Variants in SEMA4A observed in about 807,000 individuals in gnomAD.
SEMA4A encodes the protein semaphorin-4A.
A neutral mutation model predicts 72.5 loss-of-function variants in SEMA4A; 52 were observed. The observed-to-expected ratio is 0.72, with a 90% confidence interval of 0.57 to 0.90. SEMA4A has a LOEUF of 0.90. Among genes scored for constraint, SEMA4A ranks in the 40% least tolerant of loss-of-function variants. The probability of loss-of-function intolerance (pLI) is 0.00; values close to 1 mark genes in which losing one functional copy is unlikely to be tolerated. For missense variants in SEMA4A, 926 were observed against 959.7 expected (o/e 0.96, Z 0.46); for synonymous variants, 369 against 393.1 (o/e 0.94, Z 0.73).
intron 9 of SEMA4A, 123 bp from the exon 10 acceptor site, chr1:156,162,821 C>G: frequency 8.4e-7 from 1 of 1,196,482 alleles, no homozygotes; most frequent in Non-Finnish European, 1.2e-6. Context: ...GGAGTGGTAG[C>G]TGGAGGCTGG....
upstream of SEMA4A, chr1:156,150,375 T>G (rs1452098778): frequency 6.6e-6 from 1 of 152,214 alleles, no homozygotes; most frequent in East Asian, 1.9e-4. Context: ...ACGTCCCTAG[T>G]GCCTATACAC....
At chr1:156,148,555 C>A (rs779341716), upstream of SEMA4A, among the ~76,000 whole-genome samples, 1 of 152,226 alleles carries the variant, frequency 6.6e-6, no homozygotes, top group Admixed American at 6.5e-5. Context: ...GACACCAGCA[C>A]ACTCATTTCC....
In SEMA4A at chr1:156,157,499, G is replaced by GT. The variant is rs1653148965; in HGVS notation, c.301-571_301-570insT. On this transcript the variant is annotated intron_variant, in intron 3 of 14. Coordinates refer to ENST00000368285, the MANE Select transcript of SEMA4A (RefSeq NM_022367.4). The surrounding 1 kb of genome is among the most constrained non-coding windows in gnomAD (Gnocchi z 4.5). ...GTGCCTGGCTGCTTCTGTCTTAGTC[G>GT]CCCTATTAATGGGAACAATGTGAGG... 6.6e-6 allele frequency among the ~76,000 whole-genome samples: 1 copy of GT among 152,062 alleles called. No individual in the cohort carries two copies. The highest frequency in any genetic ancestry group is 1.5e-5 in the Non-Finnish European group (1 of 68,002).
rs368904425 is a variant in SEMA4A at position 156,172,978 on chromosome 1, C to G, written c.1287C>G (p.His429Gln). 1.7e-5 allele frequency: 28 copies of G among 1,613,952 alleles called. No individual in the cohort carries two copies. The highest frequency in any genetic ancestry group is 2.2e-5 in the Non-Finnish European group (26 of 1,179,946). Residue 429 changes from histidine to glutamine, a missense_variant, in exon 11 of 15, where the codon CAC becomes CAG. Coordinates refer to ENST00000368285, the MANE Select transcript of SEMA4A (RefSeq NM_022367.4). ...AGACAGCCCAGGGCCTTGATGGGCA[C>G]AGCCATCTTGTCATGTACCTGGGAA... Reference protein sequence around the residue: ...AVETAQGLDGHSHLVMYLGTT... With the variant: ...AVETAQGLDGQSHLVMYLGTT...
rs536437278 is a variant in SEMA4A, at chr1:156,155,937, T to C, written c.140-477T>C. ...TCCTCTCTGTTCGTGGTGACTCTAC[T>C]GGTGGGAATTTCCTTTAACAGAAGA... On this transcript the variant is annotated intron_variant, in intron 2 of 14. Coordinates refer to ENST00000368285, the MANE Select transcript of SEMA4A (RefSeq NM_022367.4). The C allele has an allele frequency of 6.2e-4, 155 of 250,558 alleles. 1 individual carries two copies. The highest frequency in any genetic ancestry group is 9.4e-4 in the Non-Finnish European group (118 of 125,378). The allele number at this position is 250,558 out of a possible 1,614,324, so 15.5% of individuals were successfully genotyped here.
At chr1:156,162,380 A>G (rs1490547990) in intron 9 of SEMA4A, among the ~76,000 whole-genome samples, 1 of 152,264 alleles carries the variant, frequency 6.6e-6, no homozygotes, top group Admixed American at 6.5e-5. Flanking sequence ...ACAATGTGTC[A>G]GGTACCAAAG....
chr1:156,168,928 T>A (rs1654440480), intron 10 of SEMA4A, among the ~76,000 whole-genome samples: 2 of 151,854 alleles, frequency 1.3e-5, no homozygotes, highest in Non-Finnish European at 2.9e-5. Context: ...TGGGAAAGAG[T>A]CTCATCATGT....
Position 156,177,059 on chromosome 1 carries a change from G to A in SEMA4A, c.*62G>A. The A allele has an allele frequency of 3.5e-6, 5 of 1,432,198 alleles. No individual in the cohort carries two copies. The highest frequency in any genetic ancestry group is 3.9e-6 in the Non-Finnish European group (4 of 1,030,944). The allele number at this position is 1,432,198 out of a possible 1,614,324, so 88.7% of individuals were successfully genotyped here. A position where few individuals can be genotyped will look rare whatever the true frequency, so the allele number is the denominator to read the frequency against. ...TGGCCATGCTGGCTGGGCGGCCCAA[G>A]CACAGCCCTGACTAGGATGACAGCA... On this transcript the variant is annotated 3_prime_UTR_variant, in exon 15 of 15. Coordinates refer to ENST00000368285, the MANE Select transcript of SEMA4A (RefSeq NM_022367.4).
Position 156,157,972 on chromosome 1 carries a change from T to C in SEMA4A, c.301-98T>C. 1.6e-6 allele frequency: 2 copies of C among 1,214,668 alleles called. No individual in the cohort carries two copies. Among genetic ancestry groups the C allele is most frequent in the South Asian group, 2.5e-5 (2 of 78,800 alleles). The allele number at this position is 1,214,668 out of a possible 1,614,324, so 75.2% of individuals were successfully genotyped here. Reference sequence around the variant, plus strand: ...GCATGTCACTAACCACCATGTCTGCTGGTTATTTCACATCAGAGCAGAGAA... The same window carrying C: ...GCATGTCACTAACCACCATGTCTGCCGGTTATTTCACATCAGAGCAGAGAA... On this transcript the variant is annotated intron_variant, in intron 3 of 14. Transcript: ENST00000368285. The surrounding 1 kb of genome is among the most constrained non-coding windows in gnomAD (Gnocchi z 4.5).
At chr1:156,171,072 A>G (rs1263576252) in intron 10 of SEMA4A, among the ~76,000 whole-genome samples, 1 of 152,162 alleles carries the variant, frequency 6.6e-6, no homozygotes, top group African/African-American at 2.4e-5. Flanking sequence ...AAAACAACAA[A>G]CAAAAAAACC....
Position 156,154,432 on chromosome 1 carries a change from T to TG in SEMA4A, c.-29-117dup, listed in dbSNP as rs551865598. Reference sequence around the variant, plus strand: ...AGATAGGGAACCTTCTCTGCCCCAATGCCCCACCCCTGCCACCAATACACA... The same window carrying TG: ...AGATAGGGAACCTTCTCTGCCCCAATGGCCCCACCCCTGCCACCAATACACA... On this transcript the variant is annotated intron_variant, in intron 1 of 14. Transcript: ENST00000368285. 2,358 of 903,466 alleles carry TG rather than the reference T, an allele frequency of 2.6e-3. 9 individuals carry two copies. The highest frequency in any genetic ancestry group is 3.1e-3 in the Non-Finnish European group (1,806 of 580,374). The allele number at this position is 903,466 out of a possible 1,614,324, so 56.0% of individuals were successfully genotyped here. A position where few individuals can be genotyped will look rare whatever the true frequency, so the allele number is the denominator to read the frequency against.
chr1:156,155,924 G>A (rs947925812), intron 2 of SEMA4A: 5 of 227,912 alleles, frequency 2.2e-5, no homozygotes, highest in South Asian at 1.9e-4. Context: ...CTCTCTGTTC[G>A]TGGTGACTCT....
rs1416399868 is a variant in SEMA4A, at chr1:156,174,895, C to T, written c.1389C>T (p.Phe463=). The T allele has an allele frequency of 6.2e-7, 1 of 1,614,052 alleles. No homozygotes were observed. The highest frequency in any genetic ancestry group is 8.5e-7 in the Non-Finnish European group (1 of 1,180,036). The change falls in exon 12 of 15, where the codon TTC becomes TTT. Residue 463 remains phenylalanine (F), a synonymous_variant. Coordinates refer to ENST00000368285, the MANE Select transcript of SEMA4A (RefSeq NM_022367.4). ...ATCTGGTGGAAGAGATTCAGCTGTT[C>T]CCTGACCCTGAACCTGTTCGCAACC... ...SAHLVEEIQL[F]PDPEPVRNLQ...
chr1:156,151,237 T>C (rs1043068100), upstream of SEMA4A, among the ~76,000 whole-genome samples: 2 of 152,210 alleles, frequency 1.3e-5, no homozygotes, highest in African/African-American at 4.8e-5. Context: ...CAGCAGAGCA[T>C]TAAACCAAGT....
At chr1:156,152,251 G>A (rs531531392), upstream of SEMA4A, among the ~76,000 whole-genome samples, 14 of 152,320 alleles carry the variant, frequency 9.2e-5, no homozygotes, top group East Asian at 1.9e-4. Context: ...GAGGACGTCC[G>A]GAGTTGGGAG....
chr1:156,156,506 G>A lies in SEMA4A; in HGVS notation c.232G>A (p.Val78Met), dbSNP rs763670204. Residue 78 changes from valine (V) to methionine (M), a missense_variant, in exon 3 of 15, where the codon GTG becomes ATG. Val to Met is a conservative substitution (Grantham distance 21). Coordinates refer to ENST00000368285, the MANE Select transcript of SEMA4A (RefSeq NM_022367.4). ...LLSGDGNTLY[V>M]GAREAILALD... ...GAGTGGTGATGGAAATACTCTCTAC[G>A]TGGGGGCTCGAGAAGCCATTCTGGC... 28 of 1,614,068 alleles carry A rather than the reference G, an allele frequency of 1.7e-5. No homozygotes were observed. The highest frequency in any genetic ancestry group is 8.0e-5 in the African/African-American group (6 of 75,006).
chr1:156,154,506 A>G, intron 1 of SEMA4A, 44 bp from the exon 2 acceptor site: 1 of 1,542,154 alleles, frequency 6.5e-7, no homozygotes, highest in South Asian at 1.2e-5. Flanking sequence ...GGGATGTGGT[A>G]AGAACTGCTC....
At chr1:156,160,183 C>T (rs964316437) in intron 6 of SEMA4A, among the ~76,000 whole-genome samples, 6 of 152,108 alleles carry the variant, frequency 3.9e-5, no homozygotes, top group East Asian at 3.9e-4. Flanking sequence ...AGGTATGTGA[C>T]GAAGTAGCCA....
intron 10 of SEMA4A, among the ~76,000 whole-genome samples, chr1:156,171,547 G>T (rs1654774093): frequency 6.6e-6 from 1 of 152,082 alleles, no homozygotes; most frequent in African/African-American, 2.4e-5. Context: ...GCTATGCTGG[G>T]AAATACAGAC....
Sources: gnomAD v4.1 joint callset for allele counts (sites outside exome capture counted in the v4.1 genomes callset) on GRCh38, gnomAD v4.1.1 for gene constraint, Gnocchi (gnomAD v3.1) non-coding constraint, MANE v1.5 for transcripts, NCBI Gene and HGNC (gene_info 2026-07-23, HGNC 2026-07-21) for gene names.